NEGR1: variants seen among roughly 807,000 people sequenced by gnomAD.
NEGR1 encodes the protein neuronal growth regulator 1.
A neutral mutation model predicts 40.9 loss-of-function variants in NEGR1; 10 were observed. The observed-to-expected ratio is 0.24, with a 90% CI of 0.15 to 0.42. The LOEUF (loss-of-function observed/expected upper bound fraction) is 0.42, where lower values mean the gene tolerates loss of function less well. Among genes scored for constraint, NEGR1 ranks in the 10% least tolerant of loss-of-function variants. The pLI, the probability that NEGR1 is intolerant of heterozygous loss-of-function variation, is 1.00. For synonymous variants in NEGR1, 185 were observed against 166.8 expected, an observed-to-expected ratio of 1.11 and a Z score of -0.84; for missense variants, 352 against 438.9, an observed-to-expected ratio of 0.80 and a Z score of 1.77.
rs182883399 is a variant in NEGR1, at chr1:72,114,151, A to G, written c.176+168168T>C. On this transcript the variant is annotated intron_variant, in intron 1 of 6. Coordinates refer to ENST00000357731, the MANE Select transcript of NEGR1 (RefSeq NM_173808.3). ...TATATTTGGTCAAACGTGATATTGG[A>G]TGTTTCTCTGAGGGTATTTTTTTTT... Among the ~76,000 whole-genome samples the G allele has an allele frequency of 5.3e-5, 8 of 151,728 alleles. No homozygotes were observed. In the East Asian group the frequency reaches 1.6e-3, roughly 29 times the overall value.
At chr1:71,856,898 T>C (rs1248772536) in intron 2 of NEGR1, among the ~76,000 whole-genome samples, 1 of 152,092 alleles carries the variant, frequency 6.6e-6, no homozygotes, top group Admixed American at 6.6e-5. Context: ...TCAAGATATA[T>C]ATGTTTTCAT....
intron 2 of NEGR1, among the ~76,000 whole-genome samples, chr1:71,896,149 T>A (rs1235105448): frequency 6.6e-6 from 1 of 150,572 alleles, no homozygotes; most frequent in African/African-American, 2.5e-5. Context: ...GTTATTCTCC[T>A]GCCTCAGCCT....
intron 1 of NEGR1, among the ~76,000 whole-genome samples, chr1:72,216,386 T>TATATATA (rs1653813845): frequency 3.3e-4 from 12 of 36,176 alleles, no homozygotes; most frequent in African/African-American, 2.9e-3. Context: ...TATATATACA[T>TATATATA]ATATATATAT....
intron 2 of NEGR1, among the ~76,000 whole-genome samples, chr1:71,919,243 C>G (rs1279955341): frequency 6.6e-6 from 1 of 152,136 alleles, no homozygotes; most frequent in Non-Finnish European, 1.5e-5. Flanking sequence ...CTGCTTCCGT[C>G]TTCCTCCATA....
intron 1 of NEGR1, among the ~76,000 whole-genome samples, chr1:72,118,811 T>C (rs1406783208): frequency 1.3e-5 from 2 of 151,830 alleles, no homozygotes; most frequent in African/African-American, 4.8e-5. Context: ...CAATTTTCTA[T>C]TGTTTATTTT....
At chr1:71,890,243 A>G (rs1168875998) in intron 2 of NEGR1, among the ~76,000 whole-genome samples, 3 of 69,404 alleles carry the variant, frequency 4.3e-5, no homozygotes, top group African/African-American at 6.2e-5. Context: ...TAAATGGACT[A>G]AATTCTGCAA....
At chr1:71,475,841 A>C (rs975611661) in intron 6 of NEGR1, among the ~76,000 whole-genome samples, 5 of 152,032 alleles carry the variant, frequency 3.3e-5, no homozygotes, top group African/African-American at 1.2e-4. Context: ...ATATTCTAAT[A>C]ATTTAATGCT....
intron 2 of NEGR1, among the ~76,000 whole-genome samples, chr1:71,912,624 T>C (rs1661448871): frequency 6.6e-6 from 1 of 152,176 alleles, no homozygotes; most frequent in South Asian, 2.1e-4. Context: ...GAGTATAGTA[T>C]TCAGAGTTTC....
chr1:71,463,015 A>G (rs2101346073), intron 6 of NEGR1, among the ~76,000 whole-genome samples: 1 of 152,238 alleles, frequency 6.6e-6, no homozygotes, highest in African/African-American at 2.4e-5. Flanking sequence ...TCATGCATTT[A>G]CTCAGCAAAT....
intron 1 of NEGR1, among the ~76,000 whole-genome samples, chr1:72,161,196 C>T (rs975772036): frequency 6.6e-6 from 1 of 150,940 alleles, no homozygotes; most frequent in African/African-American, 2.5e-5. Flanking sequence ...CAAGCATACC[C>T]TAGCTGTATG....
intron 6 of NEGR1, among the ~76,000 whole-genome samples, chr1:71,546,199 A>C (rs1647890326): frequency 6.6e-6 from 1 of 151,762 alleles, no homozygotes; most frequent in Non-Finnish European, 1.5e-5. Flanking sequence ...ATCTACATAC[A>C]TAAGGAATGT....
Position 72,282,513 on chromosome 1 carries a change from C to G in NEGR1, c.-19G>C. 1 of 1,603,644 alleles carries G rather than the reference C, an allele frequency of 6.2e-7. No individual in the cohort carries two copies. Among genetic ancestry groups the G allele is most frequent in the Non-Finnish European group, 8.5e-7 (1 of 1,174,964 alleles). On this transcript the variant is annotated 5_prime_UTR_variant, in exon 1 of 7. Transcript: ENST00000357731. ...TGTCCATCCCTGCTAGGGCTGCTCA[C>G]TCTCCAGCAGCTTTCAGCTCGCACT...
chr1:72,121,097 G>A (rs1000928969), intron 1 of NEGR1, among the ~76,000 whole-genome samples: 2 of 151,274 alleles, frequency 1.3e-5, no homozygotes, highest in Non-Finnish European at 3.0e-5. Context: ...GTTCTTTTTT[G>A]TACTTTTTGT....
rs111421507 is a variant in NEGR1 at position 72,238,948 on chromosome 1, C to A, written c.176+43371G>T. Reference sequence around the variant, plus strand: ...TACTTATGGAATAAAAGACACATCACAATAAGATGCTTTTTCTGAGAGTCT... The same window carrying A: ...TACTTATGGAATAAAAGACACATCAAAATAAGATGCTTTTTCTGAGAGTCT... On this transcript the variant is annotated intron_variant, in intron 1 of 6. Transcript: ENST00000357731. Among the ~76,000 whole-genome samples the A allele has an allele frequency of 2.7e-3, 413 of 151,918 alleles. 6 individuals carry two copies. Among genetic ancestry groups the A allele is most frequent in the African/African-American group, 9.3e-3 (385 of 41,500 alleles).
At chr1:71,960,189 T>TG (rs1646153948) in intron 1 of NEGR1, among the ~76,000 whole-genome samples, 1 of 152,190 alleles carries the variant, frequency 6.6e-6, no homozygotes, top group Admixed American at 6.5e-5. Context: ...GCCTACTTAT[T>TG]GGGCATCTTT....
chr1:71,918,185 C>G (rs1237913954), intron 2 of NEGR1, among the ~76,000 whole-genome samples: 3 of 119,716 alleles, frequency 2.5e-5, no homozygotes, highest in Non-Finnish European at 4.8e-5. Flanking sequence ...CCACTGCACT[C>G]TAGCCTGGGC....
At chr1:71,984,555 A>G (rs1257552254) in intron 1 of NEGR1, among the ~76,000 whole-genome samples, 1 of 152,202 alleles carries the variant, frequency 6.6e-6, no homozygotes, top group African/African-American at 2.4e-5. Flanking sequence ...GGATTAGGCT[A>G]CATGTTTTCA....
chr1:71,987,725 C>G (rs1287924654), intron 1 of NEGR1, among the ~76,000 whole-genome samples: 1 of 152,130 alleles, frequency 6.6e-6, no homozygotes, highest in Non-Finnish European at 1.5e-5. Flanking sequence ...AAATTACATT[C>G]ATTTCTGGCC....
chr1:72,237,706 G>A (rs1270334242), intron 1 of NEGR1, among the ~76,000 whole-genome samples: 1 of 151,960 alleles, frequency 6.6e-6, no homozygotes, highest in Non-Finnish European at 1.5e-5. Context: ...ATAACAAAAT[G>A]TCTGTGATTT....
Sources: gnomAD v4.1 joint callset for allele counts (sites outside exome capture counted in the v4.1 genomes callset) on GRCh38, gnomAD v4.1.1 for gene constraint, MANE v1.5 for transcripts, NCBI Gene and HGNC (gene_info 2026-07-23, HGNC 2026-07-21) for gene names.